ITPR2: variants seen among roughly 807,000 people sequenced by gnomAD.
ITPR2 encodes the protein inositol 1,4,5-trisphosphate-gated calcium channel ITPR2.
In ITPR2, 207 loss-of-function variants were observed where a neutral mutation model predicts 317.1. That is an observed-to-expected ratio of 0.65 (90% CI 0.58 to 0.73). The LOEUF is 0.73. Among genes scored for constraint, ITPR2 ranks in the 30% least tolerant of loss-of-function variants. The probability of loss-of-function intolerance (pLI) is 0.00; values close to 1 mark genes in which losing one functional copy is unlikely to be tolerated. For synonymous variants in ITPR2, 1,156 were observed against 1,149.1 expected, an observed-to-expected ratio of 1.01 and a Z score of -0.12; for missense variants, 2,613 against 3,284.0, an observed-to-expected ratio of 0.80 and a Z score of 4.99.
chr12:26,807,159 G>A (rs1439959980), intron 1 of ITPR2, among the ~76,000 whole-genome samples: 2 of 151,610 alleles, frequency 1.3e-5, no homozygotes, highest in Non-Finnish European at 2.9e-5. Flanking sequence ...ACTGCACTCC[G>A]GCCTGGGTAA....
At chr12:26,489,800 T>C (rs1452306637) in intron 39 of ITPR2, among the ~76,000 whole-genome samples, 1 of 152,210 alleles carries the variant, frequency 6.6e-6, no homozygotes, top group East Asian at 1.9e-4. Flanking sequence ...GTTCTCAGTA[T>C]GACAGAAGCA....
At chr12:26,432,700 C>T (rs1480246088) in intron 48 of ITPR2, among the ~76,000 whole-genome samples, 1 of 151,356 alleles carries the variant, frequency 6.6e-6, no homozygotes, top group Non-Finnish European at 1.5e-5. Flanking sequence ...AGAGCTTTAT[C>T]TTCCCACTAT....
rs191277001 is a variant in ITPR2, at chr12:26,767,846, A to C, written c.163+22311T>G. Among the ~76,000 whole-genome samples, 20 of 152,324 alleles carry C rather than the reference A, an allele frequency of 1.3e-4. No individual in the cohort carries two copies. In the East Asian group the frequency reaches 2.3e-3, roughly 18 times the overall value. On this transcript the variant is annotated intron_variant, in intron 2 of 56. Transcript: ENST00000381340. ...GCGATAAACATCTCATCTGTTTCTC[A>C]ACATATGTTTGATTCAACATTATTT...
intron 6 of ITPR2, 28 bp from the exon 7 acceptor site, chr12:26,715,863 T>C: frequency 6.9e-7 from 1 of 1,440,134 alleles, no homozygotes; most frequent in East Asian, 2.3e-5. Context: ...TTCAAAGTTA[T>C]AAGACTACAG....
rs1189025476 is a variant in ITPR2 at position 26,435,208 on chromosome 12, C to T, written c.6769+1013G>A. ...CTCCCATTTCCTTTTCTGCCCACCC[C>T]CAGTTCATCTGAAATAGGCTGAAAT... On this transcript the variant is annotated intron_variant, in intron 48 of 56. Coordinates refer to ENST00000381340, the MANE Select transcript of ITPR2 (RefSeq NM_002223.4). Among the ~76,000 whole-genome samples the T allele has an allele frequency of 3.3e-5, 5 of 152,262 alleles. No homozygotes were observed. In the East Asian group the frequency reaches 9.6e-4, roughly 29 times the overall value.
intron 37 of ITPR2, among the ~76,000 whole-genome samples, chr12:26,529,794 A>G (rs1943903587): frequency 6.6e-6 from 1 of 152,190 alleles, no homozygotes; most frequent in African/African-American, 2.4e-5. Flanking sequence ...TGAAGATTCA[A>G]TACATGATGG....
intron 37 of ITPR2, among the ~76,000 whole-genome samples, chr12:26,516,909 G>C (rs2136929927): frequency 6.6e-6 from 1 of 152,136 alleles, no homozygotes; most frequent in East Asian, 1.9e-4. Flanking sequence ...ACAGTGAATG[G>C]AAGACTCAGC....
At chr12:26,522,867 G>A (rs574062927) in intron 37 of ITPR2, among the ~76,000 whole-genome samples, 2 of 152,240 alleles carry the variant, frequency 1.3e-5, no homozygotes, top group East Asian at 3.9e-4. Context: ...CAACAACACC[G>A]GTTTTGCTAC....
At chr12:26,647,267 C>T (rs1367672576) in intron 21 of ITPR2, among the ~76,000 whole-genome samples, 3 of 152,200 alleles carry the variant, frequency 2.0e-5, no homozygotes, top group African/African-American at 7.2e-5. Context: ...CTATTCTAAC[C>T]ACATGCATAT....
intron 37 of ITPR2, among the ~76,000 whole-genome samples, chr12:26,510,926 G>A (rs775332362): frequency 2.6e-5 from 4 of 152,280 alleles, no homozygotes; most frequent in East Asian, 3.9e-4. Flanking sequence ...TTCACTAGAC[G>A]TGTTGGGGGC....
intron 30 of ITPR2, 112 bp from the exon 31 acceptor site, chr12:26,597,246 T>C (rs1945870364): frequency 2.5e-6 from 3 of 1,176,670 alleles, no homozygotes; most frequent in South Asian, 1.3e-5. Flanking sequence ...AAAACATATA[T>C]AATACGGCAA....
intron 32 of ITPR2, among the ~76,000 whole-genome samples, chr12:26,588,816 G>A (rs1413747409): frequency 2.0e-5 from 3 of 152,310 alleles, no homozygotes; most frequent in Non-Finnish European, 2.9e-5. Context: ...AGAGAGTTAG[G>A]TGAGCCTCCT....
At chr12:26,685,850 A>T (rs1350492067) in intron 11 of ITPR2, among the ~76,000 whole-genome samples, 1 of 152,118 alleles carries the variant, frequency 6.6e-6, no homozygotes, top group Admixed American at 6.5e-5. Context: ...ATTCATTCAG[A>T]TCGTTATTCA....
chr12:26,429,495 C>T (rs2136705966), intron 48 of ITPR2, among the ~76,000 whole-genome samples: 1 of 152,290 alleles, frequency 6.6e-6, no homozygotes, highest in Middle Eastern at 3.4e-3. Flanking sequence ...AAGCACTCCA[C>T]ATCTACCAAA....
chr12:26,824,933 C>A (rs1950988290), intron 1 of ITPR2, among the ~76,000 whole-genome samples: 1 of 152,126 alleles, frequency 6.6e-6, no homozygotes, highest in Non-Finnish European at 1.5e-5. Context: ...CAGTTTTATT[C>A]ATTAAATAAG....
At chr12:26,536,408 A>G (rs777746921) in intron 37 of ITPR2, among the ~76,000 whole-genome samples, 2 of 152,152 alleles carry the variant, frequency 1.3e-5, no homozygotes, top group African/African-American at 2.4e-5. Context: ...CAGCTGCTCA[A>G]CAGTAGAACT....
intron 26 of ITPR2, among the ~76,000 whole-genome samples, chr12:26,612,180 T>C (rs1026849312): frequency 6.6e-6 from 1 of 152,212 alleles, no homozygotes; most frequent in African/African-American, 2.4e-5. Context: ...CAACAGAGTA[T>C]ACCAAATTTA....
chr12:26,741,314 A>C (rs999069171), intron 2 of ITPR2, among the ~76,000 whole-genome samples: 37 of 152,378 alleles, frequency 2.4e-4, no homozygotes, highest in African/African-American at 8.7e-4. Flanking sequence ...CAAAGGATAT[A>C]ATTAGAAACG....
chr12:26,798,851 A>G (rs953880243), intron 1 of ITPR2, among the ~76,000 whole-genome samples: 14 of 152,226 alleles, frequency 9.2e-5, no homozygotes, highest in African/African-American at 3.4e-4. Context: ...AATGTTTTCT[A>G]ACTTATAAAT....
Sources: allele counts gnomAD v4.1 joint callset (sites outside exome capture counted in the v4.1 genomes callset), GRCh38; gene constraint gnomAD v4.1.1; transcripts MANE v1.5; gene names NCBI Gene and HGNC (gene_info 2026-07-23, HGNC 2026-07-21).